The following CERS4 variants were observed in gnomAD, a reference collection of about 807,000 sequenced individuals.
CERS4 encodes ceramide synthase 4.
A neutral mutation model predicts 51.8 loss-of-function variants in CERS4; 65 were observed. That is an observed-to-expected ratio of 1.26 (90% confidence interval 1.03 to 1.54). The LOEUF (loss-of-function observed/expected upper bound fraction) is 1.54, where lower values mean the gene tolerates loss of function less well. Ranked by LOEUF, CERS4 falls within the 40% of genes most tolerant of loss-of-function variation. CERS4 has a pLI of 0.00. For synonymous variants in CERS4, 228 were observed against 208.4 expected (o/e 1.09, Z -0.81); for missense variants, 563 against 500.4 (o/e 1.13, Z -1.19).
chr19:8,256,859 C>T, intron 8 of CERS4, 90 bp from the exon 9 acceptor site: 3 of 1,601,884 alleles, frequency 1.9e-6, no homozygotes, highest in Non-Finnish European at 2.6e-6. Context: ...GCCACACCAA[C>T]CCCCTGAAAG....
chr19:8,222,889 CTG>C (rs1967623478), intron 2 of CERS4, among the ~76,000 whole-genome samples: 1 of 152,140 alleles, frequency 6.6e-6, no homozygotes, highest in African/African-American at 2.4e-5. Context: ...AAGCCTGAAA[CTG>C]GAGCTTGGTT....
intron 3 of CERS4, among the ~76,000 whole-genome samples, chr19:8,251,932 T>G (rs1330661206): frequency 6.6e-6 from 1 of 151,784 alleles, no homozygotes; most frequent in African/African-American, 2.4e-5. Context: ...AAAAAAATTT[T>G]TTTTTGAATC....
chr19:8,211,220 G>A (rs372702912), intron 2 of CERS4, among the ~76,000 whole-genome samples: 2 of 151,490 alleles, frequency 1.3e-5, no homozygotes, highest in African/African-American at 4.8e-5. Flanking sequence ...CTTGGCTCAG[G>A]AGCCACTGGG....
At chr19:8,255,586 T>C (rs1969331558) in intron 4 of CERS4, 21 bp from the exon 5 acceptor site, 2 of 1,599,764 alleles carry the variant, frequency 1.3e-6, no homozygotes, top group Non-Finnish European at 1.7e-6. Flanking sequence ...GTGACCCTTG[T>C]CCTCATCACC....
chr19:8,256,941 T>G lies in CERS4; in HGVS notation c.613-8T>G, dbSNP rs1398380707. On this transcript the variant is annotated splice_polypyrimidine_tract_variant and splice_region_variant and intron_variant, in intron 8 of 11. Transcript: ENST00000251363. ...CTCGTCCCCACTATGACCCACCGTC[T>G]ACTGCAGGATTTCAAGGAGCAGGTG... 2 of 1,614,170 alleles carry G rather than the reference T, an allele frequency of 1.2e-6. No individual in the cohort carries two copies. The highest frequency in any genetic ancestry group is 2.2e-5 in the East Asian group (1 of 44,888).
At position 8,251,155 on chromosome 19, in the gene CERS4, G is replaced by C; in HGVS notation, c.79G>C (p.Asp27His). The change falls in exon 3 of 12, where the codon GAC becomes CAC. Residue 27 changes from aspartate (D) to histidine (H), a missense_variant. Asp to His is a moderately conservative substitution (Grantham distance 81). Transcript: ENST00000251363. ...PPNVTWTELE[D>H]RDGRVYPHPQ... ...CAATGTCACGTGGACAGAGCTAGAA[G>C]ACCGGGATGGCCGTGTCTACCCCCA... 1 of 1,613,460 alleles carries C rather than the reference G, an allele frequency of 6.2e-7. No individual in the cohort carries two copies. The highest frequency in any genetic ancestry group is 1.3e-5 in the African/African-American group (1 of 75,040).
In CERS4 at chr19:8,253,994, G is replaced by A. The variant is rs536582763; in HGVS notation, c.174-505G>A. Reference sequence around the variant, plus strand: ...TGCCCCACGAGCCTTTCTGACTCTGGGCCTCCAAACCCTCTGATCAGATGG... The same window carrying A: ...TGCCCCACGAGCCTTTCTGACTCTGAGCCTCCAAACCCTCTGATCAGATGG... On this transcript the variant is annotated intron_variant, in intron 3 of 11. Coordinates refer to ENST00000251363, the MANE Select transcript of CERS4 (RefSeq NM_024552.3). 2.0e-5 allele frequency among the ~76,000 whole-genome samples: 3 copies of A among 151,994 alleles called. No homozygotes were observed. In the East Asian group the frequency reaches 5.8e-4, roughly 30 times the overall value.
Position 8,262,411 on chromosome 19 carries a change from A to C in CERS4, c.*302A>C. On this transcript the variant is annotated 3_prime_UTR_variant, in exon 12 of 12. Transcript: ENST00000251363. The stretch of plus-strand genomic sequence containing the variant: ...GCTGAAAAGGGTCCAATTAAAACAA[A>C]TGGAGCCAAATTTTCTGCCTGAGAA... The C allele has an allele frequency of 3.2e-6, 1 of 316,884 alleles. No homozygotes were observed. Among genetic ancestry groups the C allele is most frequent in the Non-Finnish European group, 5.8e-6 (1 of 173,904 alleles). 19.6% of individuals were successfully genotyped at this position (316,884 alleles called of 1,614,324 possible). A position where few individuals can be genotyped will look rare whatever the true frequency, so the allele number is the denominator to read the frequency against.
intron 10 of CERS4, among the ~76,000 whole-genome samples, chr19:8,259,498 G>A (rs2145337076): frequency 1.3e-5 from 2 of 152,228 alleles, no homozygotes. Flanking sequence ...TATAAGCAGA[G>A]GGATTCAATC....
At chr19:8,215,568 G>C (rs1277335388) in intron 2 of CERS4, among the ~76,000 whole-genome samples, 4 of 151,842 alleles carry the variant, frequency 2.6e-5, no homozygotes, top group African/African-American at 9.7e-5. Context: ...AGGCAAAAGA[G>C]AGAGAACTCG....
Position 8,256,034 on chromosome 19 carries a change from CAG to C in CERS4, c.468+156_468+157del, listed in dbSNP as rs1341000307. 4 of 959,434 alleles carry C rather than the reference CAG, an allele frequency of 4.2e-6. No individual in the cohort carries two copies. The African/African-American group carries it at 6.5e-5, about 16-fold the overall frequency. The allele number at this position is 959,434 out of a possible 1,614,324, so 59.4% of individuals were successfully genotyped here. A position where few individuals can be genotyped will look rare whatever the true frequency, so the allele number is the denominator to read the frequency against. On this transcript the variant is annotated intron_variant, in intron 6 of 11. Coordinates refer to ENST00000251363, the MANE Select transcript of CERS4 (RefSeq NM_024552.3). ...AAGATGGTGGTGAATGTTCACTCAA[CAG>C]GTATTTGGATTTACTATGCACCAAA...
intron 2 of CERS4, among the ~76,000 whole-genome samples, chr19:8,245,955 C>T (rs1025701319): frequency 7.2e-6 from 1 of 139,340 alleles, no homozygotes; most frequent in Admixed American, 7.1e-5. Flanking sequence ...CAAGGTGGCT[C>T]ATGCCTATAA....
chr19:8,257,006 T>C lies in CERS4; in HGVS notation c.670T>C (p.Tyr224His). ...GGCGGTCATCCTGATGACCTTCTCC[T>C]ACAGTGCCAACCTGCTGCGCATTGG... ...FVAVILMTFS[Y>H]SANLLRIGSL... Residue 224 changes from tyrosine to histidine, a missense_variant, in exon 9 of 12, where the codon TAC becomes CAC. Transcript: ENST00000251363. 6.2e-7 allele frequency: 1 copy of C among 1,614,042 alleles called. No homozygotes were observed. The highest frequency in any genetic ancestry group is 8.5e-7 in the Non-Finnish European group (1 of 1,179,970).
chr19:8,222,771 T>C (rs1332805973), intron 2 of CERS4, among the ~76,000 whole-genome samples: 2 of 152,062 alleles, frequency 1.3e-5, no homozygotes, highest in Non-Finnish European at 2.9e-5. Flanking sequence ...ATGCTGAGAT[T>C]ACAGGTGTCA....
Position 8,254,432 on chromosome 19 carries a change from T to C in CERS4, c.174-67T>C, listed in dbSNP as rs1418343647. 6 of 1,462,296 alleles carry C rather than the reference T, an allele frequency of 4.1e-6. No individual in the cohort carries two copies. The African/African-American group carries it at 7.0e-5, about 17-fold the overall frequency. 90.6% of individuals were successfully genotyped at this position (1,462,296 alleles called of 1,614,324 possible). A position where few individuals can be genotyped will look rare whatever the true frequency, so the allele number is the denominator to read the frequency against. ...TTGGTTATCCCACCGGCAGCATGTC[T>C]GCCCCCACACACAGGCAGTCCCATC... On this transcript the variant is annotated intron_variant, in intron 3 of 11. Transcript: ENST00000251363.
chr19:8,236,863 A>G (rs374083162), intron 2 of CERS4, among the ~76,000 whole-genome samples: 5 of 151,660 alleles, frequency 3.3e-5, no homozygotes, highest in East Asian at 1.9e-4. Context: ...TTAGCCAGGC[A>G]TCGTGGCATG....
chr19:8,247,357 G>A (rs1222069966), intron 2 of CERS4, among the ~76,000 whole-genome samples: 1 of 151,840 alleles, frequency 6.6e-6, no homozygotes, highest in Non-Finnish European at 1.5e-5. Context: ...CTTTGCACCT[G>A]CTGCGTATTT....
intron 2 of CERS4, among the ~76,000 whole-genome samples, chr19:8,223,342 G>A (rs2145186547): frequency 6.6e-6 from 1 of 151,878 alleles, no homozygotes; most frequent in African/African-American, 2.4e-5. Flanking sequence ...CGGGCCGGGT[G>A]CAGTGGTTCA....
In CERS4 at chr19:8,262,336, T is replaced by G; in HGVS notation, c.*227T>G. The G allele has an allele frequency of 2.4e-6, 1 of 419,056 alleles. No homozygotes were observed. Among genetic ancestry groups the G allele is most frequent in the Non-Finnish European group, 4.1e-6 (1 of 243,406 alleles). 26.0% of individuals were successfully genotyped at this position (419,056 alleles called of 1,614,324 possible). On this transcript the variant is annotated 3_prime_UTR_variant, in exon 12 of 12. Transcript: ENST00000251363. ...GGAGCCAGCAGCTGGATGCTGTGGC[T>G]GGCCAGAGACACCTCCAGGCTGTGG...
Sources: gnomAD v4.1 joint callset for allele counts (sites outside exome capture counted in the v4.1 genomes callset) on GRCh38, gnomAD v4.1.1 for gene constraint, MANE v1.5 for transcripts, NCBI Gene and HGNC (gene_info 2026-07-23, HGNC 2026-07-21) for gene names.